The following LAMC2 variants were observed in gnomAD, a reference collection of about 807,000 sequenced individuals.
The protein encoded by LAMC2 is laminin subunit gamma 2, also known as laminin subunit gamma-2.
Under a neutral mutation model 140.2 loss-of-function variants are expected in LAMC2, and 97 were observed. That is an observed-to-expected ratio of 0.69 (90% confidence interval 0.59 to 0.82). LAMC2 has a LOEUF of 0.82. LAMC2 is among the 40% of genes least tolerant of loss of function. The probability of loss-of-function intolerance (pLI) is 0.00; values close to 1 mark genes in which losing one functional copy is unlikely to be tolerated. For synonymous variants in LAMC2, 513 were observed against 540.2 expected (o/e 0.95, Z 0.70); for missense variants, 1,402 against 1,476.1 (o/e 0.95, Z 0.82).
At chr1:183,253,712 C>T in the LAMC2 span, among the ~76,000 whole-genome samples, 1 of 152,106 alleles carries the variant, frequency 6.6e-6, no homozygotes, top group African/African-American at 2.4e-5. Context: ...ACTTTCAGCC[C>T]TCCACACTTG....
At chr1:183,188,079 GATTCTCACTTCTTAAAGACATACC>G (rs1658210181) in intron 1 of LAMC2, among the ~76,000 whole-genome samples, 1 of 152,144 alleles carries the variant, frequency 6.6e-6, no homozygotes, top group African/African-American at 2.4e-5. Context: ...ACAGAGCTAG[GATTCTCACTTCTTAAAGACATACC>G]AGCTTCTGGG....
rs1484118529 is a variant in LAMC2, at chr1:183,186,416, A to C, written c.64A>C (p.Thr22Pro). 1 of 1,604,718 alleles carries C rather than the reference A, an allele frequency of 6.2e-7. No individual in the cohort carries two copies. The highest frequency in any genetic ancestry group is 2.2e-5 in the East Asian group (1 of 44,832). Reference protein sequence around the residue: ...FSLLLPAARATSRREVCDCNG... With the variant: ...FSLLLPAARAPSRREVCDCNG... Reference sequence around the variant, plus strand: ...GCTCCTCCTGCCCGCAGCCCGGGCCACCTCCAGGAGGGAAGGTGAGTCGGC... The same window carrying C: ...GCTCCTCCTGCCCGCAGCCCGGGCCCCCTCCAGGAGGGAAGGTGAGTCGGC... The change falls in exon 1 of 23, where the codon ACC (threonine) becomes CCC (proline). Residue 22 changes from threonine to proline, a missense_variant. Physicochemically the swap from Thr to Pro is conservative, Grantham distance 38. This residue lies in a region of LAMC2 where 723 missense variants were observed against 783.3 expected (regional missense o/e 0.92). Coordinates refer to ENST00000264144, the MANE Select transcript of LAMC2 (RefSeq NM_005562.3).
intron 6 of LAMC2, 68 bp downstream of exon 6, chr1:183,222,279 G>A: frequency 6.4e-7 from 1 of 1,553,364 alleles, no homozygotes; most frequent in Non-Finnish European, 8.9e-7. Context: ...TAGAGAAATT[G>A]AGTTAGAAAT....
chr1:183,235,349 T>G (rs1391123992), intron 15 of LAMC2, among the ~76,000 whole-genome samples: 5 of 152,196 alleles, frequency 3.3e-5, no homozygotes, highest in African/African-American at 1.2e-4. Context: ...CCAGTGATTA[T>G]GCCATAAACG....
chr1:183,193,376 C>T (rs1363584664), intron 1 of LAMC2, among the ~76,000 whole-genome samples: 1 of 152,158 alleles, frequency 6.6e-6, no homozygotes. Flanking sequence ...TGACTGTTGA[C>T]ATTTTGCATC....
chr1:183,197,655 G>A (rs1558079928), intron 1 of LAMC2, among the ~76,000 whole-genome samples: 2 of 148,048 alleles, frequency 1.4e-5, no homozygotes, highest in South Asian at 2.2e-4. Flanking sequence ...CAGTCTGGGC[G>A]ACAGAGCGAG....
At chr1:183,221,807 C>CA (rs1012639427) in intron 5 of LAMC2, among the ~76,000 whole-genome samples, 8 of 151,268 alleles carry the variant, frequency 5.3e-5, no homozygotes, top group South Asian at 2.1e-4. Context: ...TATATAAATA[C>CA]AAAAAAATGC....
At chr1:183,188,487 T>G (rs1658224531) in intron 1 of LAMC2, among the ~76,000 whole-genome samples, 1 of 152,206 alleles carries the variant, frequency 6.6e-6, no homozygotes, top group Non-Finnish European at 1.5e-5. Context: ...AAGCACAGGC[T>G]TTAGAGTCAG....
At chr1:183,239,711 A>G in intron 20 of LAMC2, 148 bp downstream of exon 20, 1 of 696,098 alleles carries the variant, frequency 1.4e-6, no homozygotes, top group Admixed American at 2.9e-5. Flanking sequence ...AGACTATGGT[A>G]GCAAAGACGC....
chr1:183,223,016 G>C, intron 6 of LAMC2, 119 bp from the exon 7 acceptor site: 1 of 870,486 alleles, frequency 1.1e-6, no homozygotes, highest in Admixed American at 2.0e-5. Flanking sequence ...CTAGCAAGGA[G>C]TTTTGGGGCA....
At chr1:183,239,797 G>T (rs1019894041) in intron 20 of LAMC2, 32 of 638,288 alleles carry the variant, frequency 5.0e-5, no homozygotes, top group Admixed American at 3.6e-4. Context: ...CATTTGGTGA[G>T]CATTGAACTG....
At chr1:183,217,751 G>A (rs2102214096) in intron 3 of LAMC2, among the ~76,000 whole-genome samples, 1 of 152,332 alleles carries the variant, frequency 6.6e-6, no homozygotes, top group East Asian at 1.9e-4. Flanking sequence ...CTGGAGGGAA[G>A]AGATGTGGCA....
chr1:183,192,191 G>C (rs142256556), intron 1 of LAMC2, among the ~76,000 whole-genome samples: 2 of 152,286 alleles, frequency 1.3e-5, no homozygotes, highest in East Asian at 3.9e-4. Context: ...TCAGGTGAGG[G>C]GTGGAGATCA....
Position 183,225,686 on chromosome 1 carries a change from A to C in LAMC2, c.1032A>C (p.Thr344=), listed in dbSNP as rs1659605215. The change falls in exon 8 of 23, where the codon ACA becomes ACC. Residue 344 remains threonine (T), a synonymous_variant. Coordinates refer to ENST00000264144, the MANE Select transcript of LAMC2 (RefSeq NM_005562.3). ...FEYRRLLRNL[T]ALRIRATYGE... is the part of the protein sequence containing the mutation. ...ATCGAAGGTTACTGCGGAATCTCAC[A>C]GCCCTCCGCATCCGAGCTACATATG... 1 of 1,613,300 alleles carries C rather than the reference A, an allele frequency of 6.2e-7. No individual in the cohort carries two copies. The highest frequency in any genetic ancestry group is 2.2e-5 in the East Asian group (1 of 44,890).
chr1:183,239,688 GC>G, intron 20 of LAMC2, 125 bp downstream of exon 20: 1 of 810,740 alleles, frequency 1.2e-6, no homozygotes, highest in Non-Finnish European at 2.0e-6. Flanking sequence ...GCCCATGGGA[GC>G]CCCAGATTAA....
At position 183,215,631 on chromosome 1, in the gene LAMC2, T is replaced by C. The variant is rs1408724563; in HGVS notation, c.404+43T>C. 6 of 1,612,230 alleles carry C rather than the reference T, an allele frequency of 3.7e-6. No individual in the cohort carries two copies. The Admixed American group carries it at 8.3e-5, about 22-fold the overall frequency. On this transcript the variant is annotated intron_variant, in intron 3 of 22. Coordinates refer to ENST00000264144, the MANE Select transcript of LAMC2 (RefSeq NM_005562.3). Reference sequence around the variant, plus strand: ...ACCATGGCTGTCACTAACTCAGTGATGACAATTATATAAACCTTAGCAAAC... The same window carrying C: ...ACCATGGCTGTCACTAACTCAGTGACGACAATTATATAAACCTTAGCAAAC...
At position 183,232,269 on chromosome 1, in the gene LAMC2, C is replaced by T. The variant is rs145676081; in HGVS notation, c.1940C>T (p.Thr647Ile). ...AQGGDGVVPD[T>I]ELEGRMQQAE... Reference sequence around the variant, plus strand: ...GGTGGTGATGGAGTAGTACCTGATACAGAGCTGGAAGGCAGGATGCAGCAG... The same window carrying T: ...GGTGGTGATGGAGTAGTACCTGATATAGAGCTGGAAGGCAGGATGCAGCAG... The change falls in exon 13 of 23, where the codon ACA becomes ATA. Residue 647 changes from threonine to isoleucine, a missense_variant. Thr to Ile is a moderately conservative substitution (Grantham distance 89). Transcript: ENST00000264144. 6 of 1,613,942 alleles carry T rather than the reference C, an allele frequency of 3.7e-6. No homozygotes were observed. The highest frequency in any genetic ancestry group is 1.7e-5 in the Admixed American group (1 of 60,000).
At chr1:183,202,943 CATTT>C (rs112874411) in intron 1 of LAMC2, among the ~76,000 whole-genome samples, 33 of 152,238 alleles carry the variant, frequency 2.2e-4, no homozygotes, top group African/African-American at 6.0e-4. Flanking sequence ...TTCATTCATT[CATTT>C]GTTTGTTAAA....
chr1:183,236,573 G>T lies in LAMC2; in HGVS notation c.2570G>T (p.Arg857Leu). The change falls in exon 17 of 23, where the codon CGG becomes CTG. Residue 857 changes from arginine to leucine, a missense_variant. By Grantham distance (102) the Arg-to-Leu change is moderately radical (BLOSUM62 -2). Around this residue, in one of 3 missense-constraint regions of LAMC2, gnomAD observed 670 missense variants for 667.2 expected, o/e 1.00. Coordinates refer to ENST00000264144, the MANE Select transcript of LAMC2 (RefSeq NM_005562.3). Reference sequence around the variant, plus strand: ...CTCCGCCTCCTGGATTCAGTGTCTCGGCTTCAGGGAGTCAGTGATCAGTCC... The same window carrying T: ...CTCCGCCTCCTGGATTCAGTGTCTCTGCTTCAGGGAGTCAGTGATCAGTCC... ...HSLRLLDSVS[R>L]LQGVSDQSFQ... The T allele has an allele frequency of 1.9e-6, 3 of 1,614,094 alleles. No homozygotes were observed. Among genetic ancestry groups the T allele is most frequent in the Non-Finnish European group, 2.5e-6 (3 of 1,180,016 alleles).
Sources: allele counts gnomAD v4.1 joint callset (sites outside exome capture counted in the v4.1 genomes callset), GRCh38; gene constraint gnomAD v4.1.1; regional missense constraint gnomAD v4.1.1; transcripts MANE v1.5; gene names NCBI Gene and HGNC (gene_info 2026-07-23, HGNC 2026-07-21).